The following AP2A2 variants were observed in gnomAD, a reference collection of about 807,000 sequenced individuals.
The protein encoded by AP2A2 is adaptor related protein complex 2 subunit alpha 2, also known as AP-2 complex subunit alpha-2.
In AP2A2, 32 loss-of-function variants were observed where a neutral mutation model predicts 104.2. The observed-to-expected ratio is 0.31, with a 90% CI of 0.23 to 0.41. AP2A2 has a LOEUF of 0.41. Ranked by LOEUF, AP2A2 falls within the 10% of genes least tolerant of loss-of-function variation. The pLI, the probability that AP2A2 is intolerant of heterozygous loss-of-function variation, is 1.00. For synonymous variants in AP2A2, 539 were observed against 533.3 expected, an observed-to-expected ratio of 1.01 and a Z score of -0.15; for missense variants, 912 against 1,261.0, an observed-to-expected ratio of 0.72 and a Z score of 4.19.
At chr11:950,772 T>C (rs774517153) in intron 1 of AP2A2, among the ~76,000 whole-genome samples, 9 of 152,156 alleles carry the variant, frequency 5.9e-5, no homozygotes, top group Non-Finnish European at 1.2e-4. Context: ...AAAAACTTCA[T>C]GAAGACAACT....
chr11:975,854 G>T (rs2134646297), intron 4 of AP2A2, among the ~76,000 whole-genome samples: 1 of 152,364 alleles, frequency 6.6e-6, no homozygotes, highest in South Asian at 2.1e-4. Flanking sequence ...CGTGTGAGCT[G>T]ACACCGGAGA....
Position 993,084 on chromosome 11 carries a change from A to G in AP2A2, c.1453-200A>G, listed in dbSNP as rs114166433. Among the ~76,000 whole-genome samples, 361 of 152,304 alleles carry G rather than the reference A, an allele frequency of 2.4e-3. 2 individuals are homozygous for G. Among genetic ancestry groups the G allele is most frequent in the African/African-American group, 8.5e-3 (352 of 41,578 alleles). On this transcript the variant is annotated intron_variant, in intron 11 of 21. Coordinates refer to ENST00000448903, the MANE Select transcript of AP2A2 (RefSeq NM_012305.4). The surrounding 1 kb of genome is among the most constrained non-coding windows in gnomAD (Gnocchi z 8.2). ...GCTGCAGCTCCCTCCAGGGCAGGTCAGCGTGTGGCAGCCTTGGGTTCCTTG... is the reference window on the plus strand; with the variant it reads ...GCTGCAGCTCCCTCCAGGGCAGGTCGGCGTGTGGCAGCCTTGGGTTCCTTG...
At position 1,009,184 on chromosome 11, in the gene AP2A2, G is replaced by A; in HGVS notation, c.2505G>A (p.Gln835=). ...TCCAGCCGACAGAAATGGCTTCTCA[G>A]GATTTCTTTCAACGTTGGAAGCAGT... ...KFFQPTEMAS[Q]DFFQRWKQLS... The change falls in exon 19 of 22, where the codon CAG becomes CAA. Residue 835 remains glutamine (Q), a synonymous_variant. Transcript: ENST00000448903. The A allele has an allele frequency of 6.2e-7, 1 of 1,613,782 alleles. No individual in the cohort carries two copies. The highest frequency in any genetic ancestry group is 8.5e-7 in the Non-Finnish European group (1 of 1,179,880).
intron 1 of AP2A2, among the ~76,000 whole-genome samples, chr11:941,951 G>A (rs1205396839): frequency 2.0e-5 from 3 of 150,822 alleles, no homozygotes; most frequent in African/African-American, 7.3e-5. Flanking sequence ...ATTTGAGATG[G>A]AGTCTCGCTC....
chr11:967,499 C>CT (rs1161019066), intron 2 of AP2A2, among the ~76,000 whole-genome samples: 3 of 151,832 alleles, frequency 2.0e-5, no homozygotes, highest in Admixed American at 2.0e-4. Flanking sequence ...GTAGCTGGGA[C>CT]TACAGGCGCC....
intron 1 of AP2A2, among the ~76,000 whole-genome samples, chr11:948,847 A>G (rs1022384243): frequency 3.6e-5 from 4 of 109,804 alleles, no homozygotes; most frequent in African/African-American, 9.4e-5. Context: ...AACCTGGGCA[A>G]CGAGCGAAAC....
At chr11:934,790 T>C (rs773664061) in intron 1 of AP2A2, among the ~76,000 whole-genome samples, 7 of 152,212 alleles carry the variant, frequency 4.6e-5, no homozygotes, top group East Asian at 1.9e-4. Flanking sequence ...ATTTATGTTT[T>C]GCTTTTTCTG....
At chr11:969,964 A>C (rs889060845) in intron 2 of AP2A2, among the ~76,000 whole-genome samples, 4 of 152,130 alleles carry the variant, frequency 2.6e-5, no homozygotes, top group African/African-American at 9.7e-5. Flanking sequence ...AAGGGAAATA[A>C]AAAACTTGGA....
intron 8 of AP2A2, 77 bp downstream of exon 8, chr11:985,659 G>T: frequency 6.3e-7 from 1 of 1,582,000 alleles, no homozygotes; most frequent in Non-Finnish European, 8.6e-7. Flanking sequence ...AGACTGGGCG[G>T]ATCATGTCTG....
chr11:935,382 A>G (rs1002318116), intron 1 of AP2A2, among the ~76,000 whole-genome samples: 3 of 151,866 alleles, frequency 2.0e-5, no homozygotes, highest in Non-Finnish European at 2.9e-5. Flanking sequence ...TGGCCAGGCT[A>G]TTCTCAAACT....
At position 983,521 on chromosome 11, in the gene AP2A2, T is replaced by A. The variant is rs1041782118; in HGVS notation, c.706-1124T>A. On this transcript the variant is annotated intron_variant, in intron 6 of 21. Coordinates refer to ENST00000448903, the MANE Select transcript of AP2A2 (RefSeq NM_012305.4). ...CCTCAGCCTCTCGAGTAGCTGGGAC[T>A]ACAGGCGCCCGCCACCATGCCTGGC... Among the ~76,000 whole-genome samples the A allele has an allele frequency of 5.9e-5, 9 of 152,202 alleles. No individual in the cohort carries two copies. The East Asian group carries it at 1.5e-3, about 26-fold the overall frequency.
At chr11:963,145 G>A (rs1854496239) in intron 2 of AP2A2, among the ~76,000 whole-genome samples, 1 of 152,066 alleles carries the variant, frequency 6.6e-6, no homozygotes, top group African/African-American at 2.4e-5. Context: ...AAAAAAAACT[G>A]GCTGGCACGA....
chr11:960,500 A>G (rs1267376913), intron 2 of AP2A2, among the ~76,000 whole-genome samples: 1 of 151,116 alleles, frequency 6.6e-6, no homozygotes, highest in Non-Finnish European at 1.5e-5. Context: ...GGCCTCCCAA[A>G]GTGCTGGGAT....
intron 4 of AP2A2, among the ~76,000 whole-genome samples, chr11:974,502 G>C (rs960264347): frequency 6.6e-6 from 1 of 152,108 alleles, no homozygotes; most frequent in Admixed American, 6.5e-5. Flanking sequence ...CCAACATGGC[G>C]AAACCCCGTC....
intron 1 of AP2A2, among the ~76,000 whole-genome samples, chr11:929,428 T>C (rs1355069645): frequency 6.6e-6 from 1 of 152,164 alleles, no homozygotes; most frequent in Non-Finnish European, 1.5e-5. Flanking sequence ...AGGGCTGGAT[T>C]TTCAGCTGAA....
intron 3 of AP2A2, among the ~76,000 whole-genome samples, chr11:970,709 C>T (rs1270166769): frequency 6.6e-6 from 1 of 152,238 alleles, no homozygotes; most frequent in African/African-American, 2.4e-5. Flanking sequence ...CCCATGAGGT[C>T]GGCCTCCAGA....
chr11:969,001 G>A (rs974049867), intron 2 of AP2A2, among the ~76,000 whole-genome samples: 26 of 152,042 alleles, frequency 1.7e-4, no homozygotes, highest in Non-Finnish European at 3.2e-4. Flanking sequence ...AGGTGTGAGC[G>A]CCCCAGCCCT....
At chr11:999,288 T>G (rs1000626329) in intron 14 of AP2A2, among the ~76,000 whole-genome samples, 1 of 152,106 alleles carries the variant, frequency 6.6e-6, no homozygotes, top group African/African-American at 2.4e-5. Flanking sequence ...GAGGTGAACG[T>G]ATCACCTGAG....
At chr11:950,839 TC>T (rs1336768046) in intron 1 of AP2A2, among the ~76,000 whole-genome samples, 1 of 152,144 alleles carries the variant, frequency 6.6e-6, no homozygotes, top group Non-Finnish European at 1.5e-5. Flanking sequence ...ATACCTGTAA[TC>T]CCAGCATTTT....
Sources: allele counts gnomAD v4.1 joint callset (sites outside exome capture counted in the v4.1 genomes callset), GRCh38; gene constraint gnomAD v4.1.1; non-coding constraint Gnocchi (gnomAD v3.1); transcripts MANE v1.5; gene names NCBI Gene and HGNC (gene_info 2026-07-23, HGNC 2026-07-21).